SPATA18: variants seen among roughly 807,000 people sequenced by gnomAD.
SPATA18 encodes spermatogenesis associated 18.
A neutral mutation model predicts 68.1 loss-of-function variants in SPATA18; 54 were observed. The ratio of observed to expected loss-of-function variants is 0.79; its 90% CI spans 0.64 to 0.99. SPATA18 has a LOEUF of 0.99. Ranked by LOEUF, SPATA18 falls within the 50% of genes least tolerant of loss-of-function variation. The pLI, the probability that SPATA18 is intolerant of heterozygous loss-of-function variation, is 0.00. For synonymous variants in SPATA18, 242 were observed against 244.8 expected (o/e 0.99, Z 0.11); for missense variants, 724 against 681.1 (o/e 1.06, Z -0.70).
intron 6 of SPATA18, 37 bp downstream of exon 6, chr4:52,072,193 CT>C (rs1160234956): frequency 6.2e-7 from 1 of 1,607,798 alleles, no homozygotes; most frequent in Admixed American, 1.7e-5. Flanking sequence ...CATTTAGGCT[CT>C]TTTTGCTGAG....
intron 11 of SPATA18, 38 bp downstream of exon 11, chr4:52,085,037 C>A: frequency 5.6e-6 from 8 of 1,420,414 alleles, no homozygotes; most frequent in African/African-American, 1.5e-5. Context: ...CAAAATTCAT[C>A]TATGGTTGGC....
chr4:52,071,971 GA>G lies in SPATA18; in HGVS notation c.574del (p.Ser192AlafsTer45). 4 of 1,613,836 alleles carry G rather than the reference GA, an allele frequency of 2.5e-6. 1 individual carries two copies. In the South Asian group the frequency reaches 4.4e-5, roughly 18 times the overall value. On this transcript the variant is annotated frameshift_variant, in exon 6 of 13. Transcript: ENST00000295213. LOFTEE classifies it high-confidence loss of function. ...DARHRNTDQR[S>X]SENRRSEPWS... ...CCCGCCACAGAAACACAGATCAGAG[GA>G]GCTCAGAGAATAGGCGGTCAGAGCC...
intron 10 of SPATA18, among the ~76,000 whole-genome samples, chr4:52,083,804 G>A (rs1419654174): frequency 3.4e-5 from 5 of 148,072 alleles, no homozygotes; most frequent in East Asian, 2.0e-4. Flanking sequence ...GCAGTGGTAC[G>A]ATCTCAGCTC....
At chr4:52,067,427 C>A (rs1739405607) in intron 4 of SPATA18, among the ~76,000 whole-genome samples, 1 of 152,080 alleles carries the variant, frequency 6.6e-6, no homozygotes, top group South Asian at 2.1e-4. Flanking sequence ...CTCACCAGGG[C>A]TCTCATAACA....
At chr4:52,060,738 A>G in intron 2 of SPATA18, 44 bp from the exon 3 acceptor site, 1 of 1,514,462 alleles carries the variant, frequency 6.6e-7, no homozygotes. Flanking sequence ...TACATGTGCC[A>G]TGTTGGTGTG....
intron 10 of SPATA18, chr4:52,082,786 A>C: frequency 8.1e-7 from 1 of 1,238,760 alleles, no homozygotes; most frequent in Non-Finnish European, 1.0e-6. Flanking sequence ...AATTATTATA[A>C]TATTTTAAAA....
Position 52,060,466 on chromosome 4 carries a change from G to A in SPATA18, c.135G>A (p.Glu45=), listed in dbSNP as rs374603453. 1.2e-6 allele frequency: 2 copies of A among 1,614,070 alleles called. No individual in the cohort carries two copies. The highest frequency in any genetic ancestry group is 1.3e-5 in the African/African-American group (1 of 75,036). ...QNLNHCLELI[E]QVAKVQGQLF... ...TAAACCATTGCCTTGAACTCATTGA[G>A]CAAGTTGCCAAGGTGCAGGGACAAC... The change falls in exon 2 of 13, where the codon GAG becomes GAA. Residue 45 remains glutamate, a synonymous_variant. Transcript: ENST00000295213.
intron 8 of SPATA18, 47 bp downstream of exon 8, chr4:52,078,940 A>G (rs1424493699): frequency 6.6e-7 from 1 of 1,507,892 alleles, no homozygotes; most frequent in Non-Finnish European, 9.0e-7. Flanking sequence ...CTGCTGCTGC[A>G]GTTTATATTG....
Position 52,076,953 on chromosome 4 carries a change from C to T in SPATA18, c.933C>T (p.Ser311=). Reference sequence around the variant, plus strand: ...TGTCCCGGTTCAGCGATTCCTATTCCCAGGCCCGCCTGGACGCGCAGTGCC... The same window carrying T: ...TGTCCCGGTTCAGCGATTCCTATTCTCAGGCCCGCCTGGACGCGCAGTGCC... ...ALLSRFSDSY[S]QARLDAQCLL... The change falls in exon 7 of 13, where the codon TCC becomes TCT. Residue 311 remains serine (S), a synonymous_variant. Transcript: ENST00000295213. 6.2e-7 allele frequency: 1 copy of T among 1,614,182 alleles called. No homozygotes were observed. Among genetic ancestry groups the T allele is most frequent in the Admixed American group, 1.7e-5 (1 of 60,022 alleles).
intron 10 of SPATA18, 30 bp from the exon 11 acceptor site, chr4:52,084,886 A>AT: frequency 6.2e-7 from 1 of 1,604,044 alleles, no homozygotes; most frequent in South Asian, 1.1e-5. Context: ...ACTCCTGACT[A>AT]TGTCTCTCTC....
Position 52,060,871 on chromosome 4 carries a change from G to A in SPATA18, c.283G>A (p.Val95Ile), listed in dbSNP as rs975619755. Reference sequence around the variant, plus strand: ...TACTGCTGCTTCCCTGGGAAAATCTGTTGACAGCAAGGTCCCCTCTCTGCA... The same window carrying A: ...TACTGCTGCTTCCCTGGGAAAATCTATTGACAGCAAGGTCCCCTCTCTGCA... Reference protein sequence around the residue: ...SFTAASLGKSVDSKVPSLQDT... With the variant: ...SFTAASLGKSIDSKVPSLQDT... The change falls in exon 3 of 13, where the codon GTT becomes ATT. Residue 95 changes from valine (V) to isoleucine (I), a missense_variant. Coordinates refer to ENST00000295213, the MANE Select transcript of SPATA18 (RefSeq NM_145263.4). 3.7e-6 allele frequency: 6 copies of A among 1,613,936 alleles called. No homozygotes were observed. The Admixed American group carries it at 5.0e-5, about 13-fold the overall frequency.
At position 52,079,792 on chromosome 4, in the gene SPATA18, G is replaced by A. The variant is rs564363836; in HGVS notation, c.1228G>A (p.Val410Ile). The A allele has an allele frequency of 5.0e-6, 8 of 1,613,950 alleles. No individual in the cohort carries two copies. The South Asian group carries it at 7.7e-5, about 16-fold the overall frequency. The stretch of plus-strand genomic sequence containing the variant: ...CAATCCCAAGATTTCATTCCCTCCT[G>A]TCGTTGACTTTTGCCTTCTCAGTGA... ...NVNPKISFPP[V>I]VDFCLLSDFI... is the part of the protein sequence containing the mutation. The change falls in exon 9 of 13, where the codon GTC (valine) becomes ATC (isoleucine). Residue 410 changes from valine (V) to isoleucine (I), a missense_variant. By Grantham distance (29) the Val-to-Ile change is conservative. Transcript: ENST00000295213.
intron 11 of SPATA18, among the ~76,000 whole-genome samples, chr4:52,086,930 G>A (rs1203262736): frequency 6.6e-6 from 1 of 152,114 alleles, no homozygotes; most frequent in Admixed American, 6.5e-5. Flanking sequence ...AGGATGTGTT[G>A]TTTCCTGACT....
chr4:52,080,972 T>C (rs1188807044), intron 9 of SPATA18, among the ~76,000 whole-genome samples: 1 of 152,228 alleles, frequency 6.6e-6, no homozygotes, highest in African/African-American at 2.4e-5. Flanking sequence ...AACTTTCCAA[T>C]TGCCTTATAG....
chr4:52,067,769 T>TA (rs1405331307), intron 4 of SPATA18, among the ~76,000 whole-genome samples: 4 of 152,076 alleles, frequency 2.6e-5, no homozygotes, highest in Non-Finnish European at 5.9e-5. Context: ...ACTGGGAACT[T>TA]AAAAAAATAA....
In SPATA18 at chr4:52,071,991, C is replaced by T; in HGVS notation, c.593C>T (p.Ser198Leu). 1 of 1,613,978 alleles carries T rather than the reference C, an allele frequency of 6.2e-7. No individual in the cohort carries two copies. Among genetic ancestry groups the T allele is most frequent in the Non-Finnish European group, 8.5e-7 (1 of 1,180,026 alleles). Residue 198 changes from serine (S) to leucine (L), a missense_variant, in exon 6 of 13, where the codon TCA becomes TTA. By Grantham distance (145) the Ser-to-Leu change is moderately radical (BLOSUM62 -2). Transcript: ENST00000295213. ...CAGAGGAGCTCAGAGAATAGGCGGTCAGAGCCTTGGAGCTTGGAGGAGCGG... is the reference window on the plus strand; with the variant it reads ...CAGAGGAGCTCAGAGAATAGGCGGTTAGAGCCTTGGAGCTTGGAGGAGCGG... ...TDQRSSENRR[S>L]EPWSLEERKR...
At chr4:52,091,846 G>A (rs61796829) in intron 11 of SPATA18, among the ~76,000 whole-genome samples, 26,716 of 152,102 alleles carry the variant, frequency 0.18, 2,661 homozygotes, top group East Asian at 0.4. Context: ...AGGCTGGGAC[G>A]TTTAAGTCTG....
chr4:52,078,656 G>A, intron 7 of SPATA18, 79 bp from the exon 8 acceptor site: 1 of 1,330,948 alleles, frequency 7.5e-7, no homozygotes, highest in African/African-American at 1.5e-5. Flanking sequence ...TTGAAGCTCG[G>A]ATTCTTTCTA....
intron 1 of SPATA18, among the ~76,000 whole-genome samples, chr4:52,052,189 C>T (rs1182849789): frequency 1.3e-5 from 2 of 152,166 alleles, no homozygotes; most frequent in Non-Finnish European, 2.9e-5. Context: ...TTCCCCAATC[C>T]CGAATTATTT....
Sources: allele counts gnomAD v4.1 joint callset (sites outside exome capture counted in the v4.1 genomes callset), GRCh38; gene constraint gnomAD v4.1.1; transcripts MANE v1.5; gene names NCBI Gene and HGNC (gene_info 2026-07-23, HGNC 2026-07-21).